The following IGF2 variants were observed in gnomAD, a reference collection of about 807,000 sequenced individuals.
IGF2 encodes the protein insulin like growth factor 2, also known as insulin-like growth factor 2.
IGF2 carries 2 observed loss-of-function variants against 12.0 expected under a neutral mutation model. That is an observed-to-expected ratio of 0.17 (90% CI 0.07 to 0.52). The LOEUF (loss-of-function observed/expected upper bound fraction) is 0.52. IGF2 is among the 20% of genes least tolerant of loss of function. IGF2 has a pLI of 0.95. For synonymous variants in IGF2, 105 were observed against 110.1 expected, an observed-to-expected ratio of 0.95 and a Z score of 0.29; for missense variants, 211 against 268.0, an observed-to-expected ratio of 0.79 and a Z score of 1.48.
intron 1 of IGF2, 22 bp downstream of exon 1, chr11:2,138,207 C>T (rs1590124992): frequency 1.0e-6 from 1 of 984,478 alleles, no homozygotes; most frequent in Non-Finnish European, 1.2e-6. Context: ...CGGCCCCGGC[C>T]CGGCCCGCAC....
At chr11:2,138,186 C>A in intron 1 of IGF2, 43 bp downstream of exon 1, 1 of 981,362 alleles carries the variant, frequency 1.0e-6, no homozygotes, top group Non-Finnish European at 1.2e-6. Context: ...AAGCCCGCGC[C>A]GCCCCAGCCC....
At chr11:2,138,197 CG>C (rs1178753150) in intron 1 of IGF2, 31 bp downstream of exon 1, 1 of 983,074 alleles carries the variant, frequency 1.0e-6, no homozygotes, top group African/African-American at 1.8e-5. Context: ...GCCCCAGCCC[CG>C]GCCCCGGCCC....
chr11:2,134,293 G>A (rs1858834740), intron 2 of IGF2: 1 of 387,896 alleles, frequency 2.6e-6, no homozygotes, highest in Admixed American at 4.2e-5. Flanking sequence ...CCATCAGCCG[G>A]AGGAGGGAGC....
chr11:2,133,036 T>C lies in IGF2; in HGVS notation c.494A>G (p.Asp165Gly), dbSNP rs1469636028. 3 of 1,580,126 alleles carry C rather than the reference T, an allele frequency of 1.9e-6. No homozygotes were observed. The South Asian group carries it at 3.4e-5, about 18-fold the overall frequency. ...HRPLIALPTQ[D>G]PAHGGAPPEM... ...TGGGGGGGCGCCCCCGTGGGCGGGGTCTTGGGTGGGTAGAGCAATCAGGGG... is the reference window on the plus strand; with the variant it reads ...TGGGGGGGCGCCCCCGTGGGCGGGGCCTTGGGTGGGTAGAGCAATCAGGGG... Residue 165 changes from aspartate to glycine, a missense_variant, in exon 4 of 4, where the codon GAC becomes GGC. Around this residue, in one of 3 missense-constraint regions of IGF2, gnomAD observed 141 missense variants for 153.1 expected, o/e 0.92. Transcript: ENST00000416167. The surrounding 1 kb of genome is among the most constrained non-coding windows in gnomAD (Gnocchi z 8.9).
At chr11:2,141,994 A>G (rs916785645), upstream of IGF2, among the ~76,000 whole-genome samples, 2 of 152,250 alleles carry the variant, frequency 1.3e-5, no homozygotes, top group African/African-American at 4.8e-5. Flanking sequence ...TTTTTGGGAC[A>G]CATGGAAATT....
chr11:2,130,407 A>C lies in IGF2; in HGVS notation c.*2580T>G. 2 of 225,402 alleles carry C rather than the reference A, an allele frequency of 8.9e-6. No individual in the cohort carries two copies. Among genetic ancestry groups the C allele is most frequent in the Non-Finnish European group, 1.8e-5 (2 of 113,246 alleles). The allele number at this position is 225,402 out of a possible 1,614,324, so 14.0% of individuals were successfully genotyped here. ...GGAGGCTCCACCCTCAACTCAACCC[A>C]AGCAACAGGGACAGATGAAAAACAA... On this transcript the variant is annotated 3_prime_UTR_variant, in exon 4 of 4. Transcript: ENST00000416167.
Position 2,132,660 on chromosome 11 carries a change from G to A in IGF2, c.*327C>T, listed in dbSNP as rs547785690. 1,551 of 142,842 alleles carry A rather than the reference G, an allele frequency of 0.011. 39 individuals carry two copies. The highest frequency in any genetic ancestry group is 0.051 in the African/African-American group (1,435 of 28,192). The allele number at this position is 142,842 out of a possible 1,614,324, so 8.8% of individuals were successfully genotyped here. ...ATTAGTTTTAAGAGGGTTGTTGTGGGGGGGGGGGAAGGGGGTTAGTTTAAT... is the reference window on the plus strand; with the variant it reads ...ATTAGTTTTAAGAGGGTTGTTGTGGAGGGGGGGGAAGGGGGTTAGTTTAAT... On this transcript the variant is annotated 3_prime_UTR_variant, in exon 4 of 4. Transcript: ENST00000416167.
At chr11:2,137,087 C>T in intron 1 of IGF2, 1 of 262,530 alleles carries the variant, frequency 3.8e-6, no homozygotes, top group Non-Finnish European at 5.9e-6. Context: ...GGGCTGGCGG[C>T]TGCAGGGCCC....
At position 2,130,435 on chromosome 11, in the gene IGF2, T is replaced by C. The variant is rs907748176; in HGVS notation, c.*2552A>G. The C allele has an allele frequency of 4.4e-6, 1 of 225,356 alleles. No individual in the cohort carries two copies. Among genetic ancestry groups the C allele is most frequent in the Non-Finnish European group, 8.8e-6 (1 of 113,802 alleles). 14.0% of individuals were successfully genotyped at this position (225,356 alleles called of 1,614,324 possible). On this transcript the variant is annotated 3_prime_UTR_variant, in exon 4 of 4. Coordinates refer to ENST00000416167, the MANE Select transcript of IGF2 (RefSeq NM_000612.6). ...CAACAGGGACAGATGAAAAACAAAA[T>C]CCAATCAGGGCGATAAATGGCGGGG...
chr11:2,149,534 T>G, the IGF2 span: 4 of 628,986 alleles, frequency 6.4e-6, no homozygotes, highest in Non-Finnish European at 1.1e-5. Flanking sequence ...TGTGCCAACT[T>G]GGTAGTGCTG....
At position 2,138,434 on chromosome 11, in the gene IGF2, G is replaced by A. The variant is rs1411120291; in HGVS notation, c.-212C>T. ...TCTGATTGTCCAGGGAGGACGGGCT[G>A]TCTTCGGGCTGGGGCGGGCCAGATG... On this transcript the variant is annotated 5_prime_UTR_variant, in exon 1 of 4. Coordinates refer to ENST00000416167, the MANE Select transcript of IGF2 (RefSeq NM_000612.6). 2.4e-6 allele frequency: 2 copies of A among 841,146 alleles called. No homozygotes were observed. The highest frequency in any genetic ancestry group is 1.9e-5 in the African/African-American group (1 of 52,550). 52.1% of individuals were successfully genotyped at this position (841,146 alleles called of 1,614,324 possible).
the IGF2 span, chr11:2,146,948 G>A: frequency 5.9e-3 from 928 of 156,760 alleles, 12 homozygotes; most frequent in African/African-American, 0.021. Context: ...GGGAAGCCCC[G>A]CAGGCTCCTG....
chr11:2,146,672 G>T, the IGF2 span: 1 of 295,696 alleles, frequency 3.4e-6, no homozygotes. Flanking sequence ...ACCTTTGAAA[G>T]AACACTCCCG....
rs1216401502 is a variant in IGF2 at position 2,131,880 on chromosome 11, GT to G, written c.*1106del. ...TGTGTGCTGTGTGTGCGTGTGTGCTGTGCGTTTGTGTGTGCTGTGCGTTTGT... is the reference window on the plus strand; with the variant it reads ...TGTGTGCTGTGTGTGCGTGTGTGCTGGCGTTTGTGTGTGCTGTGCGTTTGT... On this transcript the variant is annotated 3_prime_UTR_variant, in exon 4 of 4. Coordinates refer to ENST00000416167, the MANE Select transcript of IGF2 (RefSeq NM_000612.6). The G allele has an allele frequency of 3.4e-5, 6 of 175,634 alleles. No homozygotes were observed. Among genetic ancestry groups the G allele is most frequent in the African/African-American group, 2.0e-4 (6 of 30,390 alleles). The allele number at this position is 175,634 out of a possible 1,614,324, so 10.9% of individuals were successfully genotyped here. A position where few individuals can be genotyped will look rare whatever the true frequency, so the allele number is the denominator to read the frequency against.
chr11:2,140,098 G>C (rs1859456740), upstream of IGF2: 5 of 1,602,280 alleles, frequency 3.1e-6, no homozygotes, highest in Non-Finnish European at 4.3e-6. Flanking sequence ...CGCCAGAGGA[G>C]AGAGGATCAG....
At chr11:2,146,029 G>A (rs911080205), upstream of IGF2, among the ~76,000 whole-genome samples, 3 of 151,986 alleles carry the variant, frequency 2.0e-5, no homozygotes, top group Admixed American at 6.5e-5. Context: ...CCCAAGCAGC[G>A]TCCGCCCCCC....
intron 2 of IGF2, 36 bp downstream of exon 2, chr11:2,135,331 T>C (rs1407129523): frequency 7.7e-6 from 12 of 1,563,110 alleles, no homozygotes; most frequent in African/African-American, 1.4e-5. Flanking sequence ...TCTAGGGGCC[T>C]GACCAGGTCT....
chr11:2,129,592 T>C lies in IGF2; in HGVS notation c.*3395A>G, dbSNP rs1039685787. 2.6e-5 allele frequency: 6 copies of C among 229,956 alleles called. No homozygotes were observed. Among genetic ancestry groups the C allele is most frequent in the African/African-American group, 1.3e-4 (6 of 45,110 alleles). The allele number at this position is 229,956 out of a possible 1,614,324, so 14.2% of individuals were successfully genotyped here. On this transcript the variant is annotated 3_prime_UTR_variant, in exon 4 of 4. Transcript: ENST00000416167. This position sits in a 1 kb window ranked among gnomAD's most constrained non-coding sequence, Gnocchi z 8.1. ...CGAAGCGTTTTGGATCTCAGGCCAA[T>C]GTGGGTTCCACAATTGTGACAATTT...
upstream of IGF2, chr11:2,140,116 AAC>A (rs1859458874): frequency 1.2e-6 from 2 of 1,609,860 alleles, no homozygotes; most frequent in African/African-American, 1.3e-5. Flanking sequence ...CAGGGCGGGA[AAC>A]ACAGCTCAAA....
Sources: gnomAD v4.1 joint callset for allele counts (sites outside exome capture counted in the v4.1 genomes callset) on GRCh38, gnomAD v4.1.1 for gene constraint, gnomAD v4.1.1 regional missense constraint, Gnocchi (gnomAD v3.1) non-coding constraint, MANE v1.5 for transcripts, NCBI Gene and HGNC (gene_info 2026-07-23, HGNC 2026-07-21) for gene names.